Variants in RAB3B observed in about 807,000 individuals in gnomAD.
The protein encoded by RAB3B is RAB3B, member RAS oncogene family.
Under a neutral mutation model 20.5 loss-of-function variants are expected in RAB3B, and 11 were observed. The observed-to-expected ratio is 0.54, with a 90% CI of 0.34 to 0.89. The LOEUF (loss-of-function observed/expected upper bound fraction) is 0.89. Ranked by LOEUF, RAB3B falls within the 40% of genes least tolerant of loss-of-function variation. The pLI, the probability that RAB3B is intolerant of heterozygous loss-of-function variation, is 0.02. For missense variants in RAB3B, 225 were observed against 280.9 expected, an observed-to-expected ratio of 0.80 and a Z score of 1.42; for synonymous variants, 99 against 106.3, an observed-to-expected ratio of 0.93 and a Z score of 0.42.
intron 4 of RAB3B, among the ~76,000 whole-genome samples, chr1:51,926,418 A>G (rs1348575710): frequency 6.6e-6 from 1 of 152,184 alleles, no homozygotes; most frequent in Non-Finnish European, 1.5e-5. Flanking sequence ...ATCGAGTTTG[A>G]TTATGTGACT....
chr1:51,954,854 T>C (rs925761461), intron 2 of RAB3B, among the ~76,000 whole-genome samples: 6 of 152,196 alleles, frequency 3.9e-5, no homozygotes, highest in Admixed American at 6.5e-5. Flanking sequence ...CCTGGAAACA[T>C]AGTACTTAAA....
chr1:51,986,681 C>G (rs1685155940), intron 1 of RAB3B, among the ~76,000 whole-genome samples: 1 of 152,192 alleles, frequency 6.6e-6, no homozygotes, highest in Non-Finnish European at 1.5e-5. Context: ...ACTGTACTTG[C>G]CATACCACAC....
intron 4 of RAB3B, among the ~76,000 whole-genome samples, chr1:51,921,268 T>C (rs113591925): frequency 6.6e-6 from 1 of 152,170 alleles, no homozygotes; most frequent in Non-Finnish European, 1.5e-5. Context: ...CCTAATATCT[T>C]TGGGGCAACT....
In RAB3B at chr1:51,989,258, T is replaced by TG. The variant is rs1557980864; in HGVS notation, c.-1+1293_-1+1294insC. 3.7e-5 allele frequency among the ~76,000 whole-genome samples: 4 copies of TG among 108,180 alleles called. No individual in the cohort carries two copies. The East Asian group carries it at 1.1e-3, about 31-fold the overall frequency. The allele number at this position is 108,180 out of a possible 152,430, so 71.0% of individuals were successfully genotyped here. A position where few individuals can be genotyped will look rare whatever the true frequency, so the allele number is the denominator to read the frequency against. Reference sequence around the variant, plus strand: ...TGTGTGTGTGTGTGTGTGTGTGTGTTTTGAGGGCCCATCTTTCTCCCACCT... The same window carrying TG: ...TGTGTGTGTGTGTGTGTGTGTGTGTTGTTGAGGGCCCATCTTTCTCCCACCT... On this transcript the variant is annotated intron_variant, in intron 1 of 4. Transcript: ENST00000371655.
At chr1:51,934,122 T>C (rs967382193) in intron 3 of RAB3B, among the ~76,000 whole-genome samples, 1 of 152,226 alleles carries the variant, frequency 6.6e-6, no homozygotes, top group Non-Finnish European at 1.5e-5. Flanking sequence ...CAGCTAGCTA[T>C]GTGATCAAGT....
At chr1:51,949,815 G>T (rs1457066306) in intron 2 of RAB3B, among the ~76,000 whole-genome samples, 2 of 152,218 alleles carry the variant, frequency 1.3e-5, no homozygotes, top group Admixed American at 1.3e-4. Flanking sequence ...GTCGCACGGG[G>T]TGGCTGCCTT....
At chr1:51,960,196 T>A (rs1362971854) in intron 2 of RAB3B, among the ~76,000 whole-genome samples, 1 of 152,184 alleles carries the variant, frequency 6.6e-6, no homozygotes, top group African/African-American at 2.4e-5. Context: ...CAATAAATGT[T>A]TATGGAACAG....
chr1:51,938,910 C>T (rs900853841), intron 2 of RAB3B, among the ~76,000 whole-genome samples: 4 of 152,170 alleles, frequency 2.6e-5, no homozygotes, highest in Non-Finnish European at 4.4e-5. Context: ...ATCCACCCAC[C>T]TTAGCCTCCC....
intron 2 of RAB3B, among the ~76,000 whole-genome samples, chr1:51,966,062 T>C (rs1684847266): frequency 6.6e-6 from 1 of 152,206 alleles, no homozygotes; most frequent in African/African-American, 2.4e-5. Flanking sequence ...CTCCTCTGCT[T>C]CACTGAGTGC....
intron 1 of RAB3B, among the ~76,000 whole-genome samples, chr1:51,987,584 C>T (rs1465560584): frequency 6.6e-6 from 1 of 152,160 alleles, no homozygotes; most frequent in African/African-American, 2.4e-5. Flanking sequence ...GATTCAGTTT[C>T]CAGGTCTATC....
Position 51,917,523 on chromosome 1 carries a change from G to C in RAB3B, c.*2404C>G, listed in dbSNP as rs1169573785. 6.6e-6 allele frequency: 1 copy of C among 151,854 alleles called. No homozygotes were observed. The highest frequency in any genetic ancestry group is 1.5e-5 in the Non-Finnish European group (1 of 68,004). The allele number at this position is 151,854 out of a possible 1,614,324, so 9.4% of individuals were successfully genotyped here. On this transcript the variant is annotated 3_prime_UTR_variant, in exon 5 of 5. Coordinates refer to ENST00000371655, the MANE Select transcript of RAB3B (RefSeq NM_002867.4). Reference sequence around the variant, plus strand: ...TTGCATCAAAGAAAGCAACATCTTTGTAGAGCTGACTCCTTTAAAAAAAAA... The same window carrying C: ...TTGCATCAAAGAAAGCAACATCTTTCTAGAGCTGACTCCTTTAAAAAAAAA...
In RAB3B at chr1:51,979,102, A is replaced by T. The variant is rs544325588; in HGVS notation, c.1-1985T>A. Reference sequence around the variant, plus strand: ...CACTAGGCAAGTGTGGAACATGCCCAGGACACTTGGAGACTGAGGCATAGC... The same window carrying T: ...CACTAGGCAAGTGTGGAACATGCCCTGGACACTTGGAGACTGAGGCATAGC... On this transcript the variant is annotated intron_variant, in intron 1 of 4. Transcript: ENST00000371655. 4.6e-5 allele frequency among the ~76,000 whole-genome samples: 7 copies of T among 152,244 alleles called. No individual in the cohort carries two copies. In the East Asian group the frequency reaches 7.7e-4, roughly 17 times the overall value.
In RAB3B at chr1:51,912,389, C is replaced by T. The variant is rs1424112485; in HGVS notation, c.*7538G>A. ...GAAGTAAACCTCAGTGTTACTGAGC[C>T]GTTCATTTATTTAGATTTTTAAGAG... is the stretch of plus-strand genomic sequence containing the variant. On this transcript the variant is annotated 3_prime_UTR_variant, in exon 5 of 5. Coordinates refer to ENST00000371655, the MANE Select transcript of RAB3B (RefSeq NM_002867.4). 2.0e-5 allele frequency: 3 copies of T among 149,042 alleles called. No homozygotes were observed. The highest frequency in any genetic ancestry group is 2.1e-4 in the South Asian group (1 of 4,744). The allele number at this position is 149,042 out of a possible 1,614,324, so 9.2% of individuals were successfully genotyped here.
At chr1:51,927,947 G>A (rs1684267044) in intron 4 of RAB3B, among the ~76,000 whole-genome samples, 1 of 152,108 alleles carries the variant, frequency 6.6e-6, no homozygotes, top group South Asian at 2.1e-4. Flanking sequence ...CCCTTTCCGA[G>A]GAGCACATGG....
rs925820279 is a variant in RAB3B, at chr1:51,909,027, A to C, written c.*10900T>G. 7.2e-5 allele frequency: 11 copies of C among 152,532 alleles called. No homozygotes were observed. The highest frequency in any genetic ancestry group is 1.6e-4 in the Non-Finnish European group (11 of 68,282). 9.4% of individuals were successfully genotyped at this position (152,532 alleles called of 1,614,324 possible). On this transcript the variant is annotated 3_prime_UTR_variant, in exon 5 of 5. Coordinates refer to ENST00000371655, the MANE Select transcript of RAB3B (RefSeq NM_002867.4). ...CCTCCTGGGCCCCAGCCCCAGCCCCATCACAGCTCACTGCTCTGTTCATCC... is the reference window on the plus strand; with the variant it reads ...CCTCCTGGGCCCCAGCCCCAGCCCCCTCACAGCTCACTGCTCTGTTCATCC...
chr1:51,933,245 G>A (rs984637494), intron 4 of RAB3B, 73 bp downstream of exon 4: 27 of 1,502,312 alleles, frequency 1.8e-5, no homozygotes, highest in South Asian at 1.7e-4. Context: ...AAACACACTC[G>A]TACCCTGTTT....
At chr1:51,973,893 G>A (rs1364606043) in intron 2 of RAB3B, among the ~76,000 whole-genome samples, 3 of 152,014 alleles carry the variant, frequency 2.0e-5, no homozygotes, top group Non-Finnish European at 4.4e-5. Flanking sequence ...TCTGATATGG[G>A]GGTCAAACAA....
At chr1:51,984,263 T>A (rs1571982787) in intron 1 of RAB3B, among the ~76,000 whole-genome samples, 1 of 20,676 alleles carries the variant, frequency 4.8e-5, no homozygotes, top group Non-Finnish European at 8.1e-5. Context: ...ACTCTCTAAT[T>A]AAAAAAAAAA....
intron 3 of RAB3B, among the ~76,000 whole-genome samples, chr1:51,934,403 C>T (rs967371250): frequency 7.2e-5 from 11 of 152,262 alleles, no homozygotes; most frequent in Admixed American, 2.0e-4. Flanking sequence ...CCTGAAGCCT[C>T]GGATTATGAT....
Sources: allele counts gnomAD v4.1 joint callset (sites outside exome capture counted in the v4.1 genomes callset), GRCh38; gene constraint gnomAD v4.1.1; transcripts MANE v1.5; gene names NCBI Gene and HGNC (gene_info 2026-07-23, HGNC 2026-07-21).